Variants in AGBL1 observed in about 807,000 individuals in gnomAD.
AGBL1 encodes AGBL carboxypeptidase 1.
AGBL1 carries 130 observed loss-of-function variants against 118.9 expected under a neutral mutation model. The observed-to-expected ratio is 1.09, with a 90% CI of 0.95 to 1.26. The LOEUF (loss-of-function observed/expected upper bound fraction) is 1.26. AGBL1 is among the 50% of genes most tolerant of loss of function. The pLI is 0.00. For missense variants in AGBL1, 1,584 were observed against 1,298.1 expected (o/e 1.22, Z -3.38); for synonymous variants, 555 against 478.9 (o/e 1.16, Z -2.08).
chr15:86,558,084 T>C (rs917202060), intron 21 of AGBL1, among the ~76,000 whole-genome samples: 39 of 152,262 alleles, frequency 2.6e-4, no homozygotes, highest in Non-Finnish European at 2.2e-4. Context: ...CAATGGATTA[T>C]TTCCCAGAGT....
At chr15:86,999,574 G>A (rs1383048364) in intron 24 of AGBL1, among the ~76,000 whole-genome samples, 6 of 148,924 alleles carry the variant, frequency 4.0e-5, no homozygotes, top group Non-Finnish European at 5.9e-5. Context: ...TTTTATGGCT[G>A]CATAGTATTC....
At chr15:86,095,526 T>G (rs1597386095) in intron 1 of AGBL1, among the ~76,000 whole-genome samples, 1 of 152,030 alleles carries the variant, frequency 6.6e-6, no homozygotes, top group Non-Finnish European at 1.5e-5. Flanking sequence ...AGACCAAATA[T>G]TATAACAAAA....
chr15:86,714,575 C>A (rs977152756), intron 22 of AGBL1, among the ~76,000 whole-genome samples: 5 of 152,074 alleles, frequency 3.3e-5, no homozygotes, highest in Admixed American at 6.5e-5. Context: ...AACTAAGATT[C>A]AAACGTCTAG....
intron 17 of AGBL1, among the ~76,000 whole-genome samples, chr15:86,315,545 C>G (rs1567195044): frequency 6.6e-6 from 1 of 151,824 alleles, no homozygotes; most frequent in Non-Finnish European, 1.5e-5. Context: ...GAAACCCCGT[C>G]TCTACTAATA....
At chr15:86,941,135 A>AATCTACT (rs1234115770) in intron 23 of AGBL1, among the ~76,000 whole-genome samples, 7 of 152,238 alleles carry the variant, frequency 4.6e-5, no homozygotes, top group Non-Finnish European at 1.0e-4. Context: ...AGTAACATGG[A>AATCTACT]ATCTACTTGC....
chr15:86,864,870 T>G (rs2141488087), intron 22 of AGBL1, among the ~76,000 whole-genome samples: 1 of 152,326 alleles, frequency 6.6e-6, no homozygotes, highest in South Asian at 2.1e-4. Context: ...GCAATCAGTC[T>G]TATTGGTTGG....
At chr15:86,599,930 A>G (rs767378633) in intron 21 of AGBL1, among the ~76,000 whole-genome samples, 34 of 152,110 alleles carry the variant, frequency 2.2e-4, no homozygotes, top group Non-Finnish European at 4.4e-4. Context: ...TCTAATAATA[A>G]AAACCCCCAT....
chr15:86,447,427 G>A (rs79986613), intron 18 of AGBL1, among the ~76,000 whole-genome samples: 7,436 of 152,282 alleles, frequency 0.049, 220 homozygotes, highest in South Asian at 0.098. Context: ...AGCTGACACC[G>A]TGGAAAGCAG....
At chr15:86,575,250 A>G (rs1488903533) in intron 21 of AGBL1, among the ~76,000 whole-genome samples, 3 of 149,218 alleles carry the variant, frequency 2.0e-5, no homozygotes, top group Non-Finnish European at 1.5e-5. Flanking sequence ...TGTAATTTCA[A>G]CACTTTGGGA....
intron 21 of AGBL1, among the ~76,000 whole-genome samples, chr15:86,631,682 G>T: frequency 6.6e-6 from 1 of 152,172 alleles, no homozygotes; most frequent in East Asian, 1.9e-4. Flanking sequence ...TGGGAGGTGT[G>T]GTTCATGGGA....
chr15:86,518,766 G>A (rs1361505014), intron 18 of AGBL1, among the ~76,000 whole-genome samples: 1 of 151,802 alleles, frequency 6.6e-6, no homozygotes, highest in Non-Finnish European at 1.5e-5. Flanking sequence ...TCTAGTTCTG[G>A]TGAAGTATTC....
At chr15:86,408,104 T>C (rs1396092310) in intron 18 of AGBL1, among the ~76,000 whole-genome samples, 2 of 152,144 alleles carry the variant, frequency 1.3e-5, no homozygotes, top group Admixed American at 1.3e-4. Flanking sequence ...CTATCTCTGT[T>C]TCTCAATCTC....
At chr15:86,301,399 C>CT (rs373724808) in intron 17 of AGBL1, among the ~76,000 whole-genome samples, 8,301 of 141,748 alleles carry the variant, frequency 0.059, 715 homozygotes, top group African/African-American at 0.19. Context: ...TCTTGGCAAT[C>CT]TTTTTTTTTT....
chr15:86,924,157 GCA>G (rs1280835612), intron 23 of AGBL1, among the ~76,000 whole-genome samples: 1 of 152,166 alleles, frequency 6.6e-6, no homozygotes, highest in Admixed American at 6.5e-5. Context: ...ACATACATGT[GCA>G]CACACACAGG....
intron 17 of AGBL1, among the ~76,000 whole-genome samples, chr15:86,331,405 C>T (rs1397895963): frequency 1.7e-5 from 1 of 59,034 alleles, no homozygotes; most frequent in East Asian, 2.4e-4. Context: ...GAAAATTTCC[C>T]TAATCTTACT....
chr15:86,488,697 A>C (rs915701310), intron 18 of AGBL1, among the ~76,000 whole-genome samples: 1 of 151,710 alleles, frequency 6.6e-6, no homozygotes. Context: ...ACATATATAC[A>C]TACCTGTCCT....
chr15:86,318,425 T>G (rs2080050785), intron 17 of AGBL1, among the ~76,000 whole-genome samples: 1 of 152,158 alleles, frequency 6.6e-6, no homozygotes, highest in Non-Finnish European at 1.5e-5. Flanking sequence ...TAATTTTGCC[T>G]CTGATGTTTT....
chr15:86,463,799 A>G (rs1030830593), intron 18 of AGBL1, among the ~76,000 whole-genome samples: 3 of 152,108 alleles, frequency 2.0e-5, no homozygotes, highest in East Asian at 1.9e-4. Flanking sequence ...ATTGGTCTAT[A>G]TATCTGTTTT....
intron 22 of AGBL1, among the ~76,000 whole-genome samples, chr15:86,859,573 C>G (rs1343980915): frequency 6.6e-6 from 1 of 152,116 alleles, no homozygotes; most frequent in Non-Finnish European, 1.5e-5. Flanking sequence ...ACTATCAAAG[C>G]TTTTAGTTTT....
Sources: gnomAD v4.1 joint callset for allele counts (sites outside exome capture counted in the v4.1 genomes callset) on GRCh38, gnomAD v4.1.1 for gene constraint, MANE v1.5 for transcripts, NCBI Gene and HGNC (gene_info 2026-07-23, HGNC 2026-07-21) for gene names.